The following INSYN2B variants were observed in gnomAD, a reference collection of about 807,000 sequenced individuals.
INSYN2B encodes protein INSYN2B.
In INSYN2B, 16 loss-of-function variants were observed where a neutral mutation model predicts 41.2. The observed-to-expected ratio is 0.39, with a 90% CI of 0.26 to 0.59. The LOEUF (loss-of-function observed/expected upper bound fraction) is 0.59, where lower values mean the gene tolerates loss of function less well. Ranked by LOEUF, INSYN2B falls within the 20% of genes least tolerant of loss-of-function variation. The pLI is 0.57. For missense variants in INSYN2B, 608 were observed against 646.4 expected, an observed-to-expected ratio of 0.94 and a Z score of 0.64; for synonymous variants, 245 against 244.4, an observed-to-expected ratio of 1.00 and a Z score of -0.02.
chr5:169,862,963 G>GT lies in INSYN2B; in HGVS notation c.*1309dup, dbSNP rs1483008874. The stretch of plus-strand genomic sequence containing the variant: ...AGTTTCAGGCTCCCTTTCTAGCAAT[G>GT]TCAATCTAACCACATGCTGATAGAG... On this transcript the variant is annotated 3_prime_UTR_variant, in exon 4 of 4. Transcript: ENST00000377365. Among the ~76,000 whole-genome samples, 2 of 152,218 alleles carry GT rather than the reference G, an allele frequency of 1.3e-5. No homozygotes were observed. Among genetic ancestry groups the GT allele is most frequent in the Non-Finnish European group, 1.5e-5 (1 of 68,032 alleles).
intron 1 of INSYN2B, among the ~76,000 whole-genome samples, chr5:169,972,781 G>A (rs550634904): frequency 6.6e-6 from 1 of 152,158 alleles, no homozygotes; most frequent in South Asian, 2.1e-4. Context: ...AATTGTCTAG[G>A]AAGCGGGAAA....
chr5:169,910,021 C>T (rs1445053096), intron 1 of INSYN2B, among the ~76,000 whole-genome samples: 4 of 152,138 alleles, frequency 2.6e-5, no homozygotes, highest in Admixed American at 2.0e-4. Context: ...GTGCCTTTCT[C>T]TCAGCCATTG....
In INSYN2B at chr5:169,916,536, C is replaced by A. The variant is rs548773428; in HGVS notation, c.-918-31720G>T. On this transcript the variant is annotated intron_variant, in intron 1 of 3. Transcript: ENST00000377365. ...CTGCCACTGACTAGCTATTGGGCAA[C>A]CTTCCTGTGCCTCCCTTATTTATAA... 1.8e-4 allele frequency among the ~76,000 whole-genome samples: 27 copies of A among 152,312 alleles called. No individual in the cohort carries two copies. In the South Asian group the frequency reaches 5.0e-3, roughly 28 times the overall value.
intron 1 of INSYN2B, among the ~76,000 whole-genome samples, chr5:169,939,017 C>T (rs897590018): frequency 1.3e-5 from 2 of 151,582 alleles, no homozygotes; most frequent in African/African-American, 4.9e-5. Flanking sequence ...CATTCTCCTA[C>T]CTTAGCCTCG....
At position 169,888,940 on chromosome 5, in the gene INSYN2B, C is replaced by G. The variant is rs548100822; in HGVS notation, c.-918-4124G>C. 9.9e-5 allele frequency among the ~76,000 whole-genome samples: 15 copies of G among 152,266 alleles called. No individual in the cohort carries two copies. The East Asian group carries it at 2.7e-3, about 27-fold the overall frequency. ...TTCCTTTGTGCAAGAAGTCCTATCT[C>G]CCTGCCGTCTCTGTACTTTGTGTCT... is the stretch of plus-strand genomic sequence containing the variant. On this transcript the variant is annotated intron_variant, in intron 1 of 3. Coordinates refer to ENST00000377365, the MANE Select transcript of INSYN2B (RefSeq NM_001129891.3).
intron 3 of INSYN2B, among the ~76,000 whole-genome samples, chr5:169,877,036 G>T (rs558702914): frequency 1.3e-5 from 2 of 152,204 alleles, no homozygotes; most frequent in Non-Finnish European, 2.9e-5. Context: ...TGGCATGGGG[G>T]TCCTTCTGGG....
At chr5:169,891,995 C>CAAAAAA (rs571918885) in intron 1 of INSYN2B, among the ~76,000 whole-genome samples, 3 of 64,192 alleles carry the variant, frequency 4.7e-5, no homozygotes, top group Admixed American at 1.6e-4. Context: ...GATTCCGTCC[C>CAAAAAA]AAAAAAAAAA....
Position 169,883,362 on chromosome 5 carries a change from G to A in INSYN2B, c.537C>T (p.Ser179=). The change falls in exon 2 of 4, where the codon AGC becomes AGT. Residue 179 remains serine (S), a synonymous_variant. Transcript: ENST00000377365. ...AFLPRVPKVQ[S]NGPVSICLEA... ...CCAAGCATATGCTAACAGGACCATTGCTTTGCACCTTGGGGACCCTTGGGA... is the reference window on the plus strand; with the variant it reads ...CCAAGCATATGCTAACAGGACCATTACTTTGCACCTTGGGGACCCTTGGGA... 1 of 1,551,700 alleles carries A rather than the reference G, an allele frequency of 6.4e-7. No individual in the cohort carries two copies. The highest frequency in any genetic ancestry group is 8.7e-7 in the Non-Finnish European group (1 of 1,146,958).
Position 169,895,823 on chromosome 5 carries a change from G to C in INSYN2B, c.-918-11007C>G, listed in dbSNP as rs142146537. Among the ~76,000 whole-genome samples, 1,252 of 152,292 alleles carry C rather than the reference G, an allele frequency of 8.2e-3. 17 individuals are homozygous for C. The highest frequency in any genetic ancestry group is 0.029 in the African/African-American group (1,188 of 41,554). On this transcript the variant is annotated intron_variant, in intron 1 of 3. Coordinates refer to ENST00000377365, the MANE Select transcript of INSYN2B (RefSeq NM_001129891.3). ...GTTTCCTCATTTGAAAATGAAAGGAGCATTTGGCTCACATAACGCAGTGCC... is the reference window on the plus strand; with the variant it reads ...GTTTCCTCATTTGAAAATGAAAGGACCATTTGGCTCACATAACGCAGTGCC...
chr5:169,926,039 T>A (rs1775433196), intron 1 of INSYN2B, among the ~76,000 whole-genome samples: 2 of 152,214 alleles, frequency 1.3e-5, no homozygotes, highest in African/African-American at 4.8e-5. Context: ...CTCTGGTTAG[T>A]CTCTGAGTCC....
intron 1 of INSYN2B, among the ~76,000 whole-genome samples, chr5:169,887,371 G>GA (rs1026198080): frequency 6.6e-6 from 1 of 152,074 alleles, no homozygotes; most frequent in African/African-American, 2.4e-5. Context: ...ACAAAAGGAA[G>GA]AAAAAAATCA....
At chr5:169,961,000 G>T (rs980859472) in intron 1 of INSYN2B, among the ~76,000 whole-genome samples, 4 of 152,124 alleles carry the variant, frequency 2.6e-5, no homozygotes, top group African/African-American at 9.7e-5. Context: ...ATGGAGTCTT[G>T]GAACATATCC....
chr5:169,877,367 C>T (rs1053357124), intron 3 of INSYN2B, among the ~76,000 whole-genome samples: 12 of 152,242 alleles, frequency 7.9e-5, no homozygotes, highest in African/African-American at 2.4e-4. Flanking sequence ...GGTCAATTCA[C>T]GTTCAAGTGA....
chr5:169,978,710 G>A (rs929744112), intron 1 of INSYN2B, among the ~76,000 whole-genome samples: 24 of 152,092 alleles, frequency 1.6e-4, no homozygotes, highest in African/African-American at 5.8e-4. Flanking sequence ...CCGAAGGGCT[G>A]AATTAATTAA....
chr5:169,904,596 T>C (rs566264394), intron 1 of INSYN2B, among the ~76,000 whole-genome samples: 1 of 152,198 alleles, frequency 6.6e-6, no homozygotes, highest in African/African-American at 2.4e-5. Flanking sequence ...TCTCATTCTC[T>C]CTCATTCACA....
intron 1 of INSYN2B, among the ~76,000 whole-genome samples, chr5:169,973,190 C>T (rs74891927): frequency 6.6e-6 from 1 of 152,290 alleles, no homozygotes; most frequent in East Asian, 1.9e-4. Flanking sequence ...ATTTATCTGC[C>T]TGCCCCCTCC....
intron 1 of INSYN2B, among the ~76,000 whole-genome samples, chr5:169,960,082 C>T (rs886173076): frequency 7.2e-5 from 11 of 152,128 alleles, no homozygotes; most frequent in Non-Finnish European, 1.0e-4. Context: ...GATGAGGGAA[C>T]GGTCAGGTTG....
At chr5:169,867,458 T>C (rs1405755995) in intron 3 of INSYN2B, among the ~76,000 whole-genome samples, 1 of 152,156 alleles carries the variant, frequency 6.6e-6, no homozygotes, top group Non-Finnish European at 1.5e-5. Flanking sequence ...TCTGTCTGTC[T>C]ATCTATTGAT....
At chr5:169,897,710 G>T (rs547616543) in intron 1 of INSYN2B, among the ~76,000 whole-genome samples, 22 of 152,268 alleles carry the variant, frequency 1.4e-4, no homozygotes, top group African/African-American at 4.8e-4. Flanking sequence ...TTGTGACGGG[G>T]TGAGCTCCCT....
Sources: gnomAD v4.1 joint callset for allele counts (sites outside exome capture counted in the v4.1 genomes callset) on GRCh38, gnomAD v4.1.1 for gene constraint, MANE v1.5 for transcripts, NCBI Gene and HGNC (gene_info 2026-07-23, HGNC 2026-07-21) for gene names.